DHX40: variants seen among roughly 807,000 people sequenced by gnomAD.
DHX40 encodes the protein DEAH-box helicase 40.
A neutral mutation model predicts 89.6 loss-of-function variants in DHX40; 28 were observed. That is an observed-to-expected ratio of 0.31 (90% CI 0.23 to 0.43). The LOEUF is 0.43. Ranked by LOEUF, DHX40 falls within the 20% of genes least tolerant of loss-of-function variation. The pLI, the probability that DHX40 is intolerant of heterozygous loss-of-function variation, is 1.00. For synonymous variants in DHX40, 226 were observed against 283.6 expected (o/e 0.80, Z 2.04); for missense variants, 457 against 844.0 (o/e 0.54, Z 5.68).
At chr17:59,605,698 C>A in intron 17 of DHX40, 24 bp downstream of exon 17, 1 of 1,588,592 alleles carries the variant, frequency 6.3e-7, no homozygotes, top group East Asian at 2.3e-5. Context: ...TTGTTCTACT[C>A]TTAACCACTA....
chr17:59,605,220 G>A, intron 16 of DHX40, 36 bp downstream of exon 16: 1 of 1,591,656 alleles, frequency 6.3e-7, no homozygotes, highest in Non-Finnish European at 8.6e-7. Context: ...GAAGAAATTT[G>A]TAAAGTTGTA....
intron 14 of DHX40, among the ~76,000 whole-genome samples, chr17:59,601,521 AT>A (rs1180081751): frequency 6.6e-6 from 1 of 151,730 alleles, no homozygotes; most frequent in Non-Finnish European, 1.5e-5. Flanking sequence ...TAGATGTTGG[AT>A]TTCAGTCTTT....
chr17:59,565,887 A>C, intron 1 of DHX40, 104 bp downstream of exon 1: 1 of 991,952 alleles, frequency 1.0e-6, no homozygotes, highest in Non-Finnish European at 1.4e-6. Context: ...AGTAGTGAGG[A>C]AGCCGTGGCG....
At chr17:59,567,090 G>A (rs1244029004) in intron 2 of DHX40, among the ~76,000 whole-genome samples, 1 of 152,108 alleles carries the variant, frequency 6.6e-6, no homozygotes, top group African/African-American at 2.4e-5. Context: ...TTAACCATTG[G>A]ATACTGAAAT....
Position 59,605,462 on chromosome 17 carries a change from C to G in DHX40, c.1988C>G (p.Thr663Ser). 1 of 1,612,364 alleles carries G rather than the reference C, an allele frequency of 6.2e-7. No homozygotes were observed. The highest frequency in any genetic ancestry group is 8.5e-7 in the Non-Finnish European group (1 of 1,178,512). Residue 663 changes from threonine (T) to serine (S), a missense_variant, in exon 17 of 18, where the codon ACC becomes AGC. Transcript: ENST00000251241. Reference protein sequence around the residue: ...HPSSALHEQETKLEWIIFHEV... With the variant: ...HPSSALHEQESKLEWIIFHEV... ...TTTGTATAGCTTCATGAACAGGAAA[C>G]CAAACTTGAATGGATCATTTTTCAT...
chr17:59,586,043 G>C (rs2048990727), intron 10 of DHX40, 110 bp from the exon 11 acceptor site: 1 of 770,434 alleles, frequency 1.3e-6, no homozygotes, highest in Non-Finnish European at 2.1e-6. Context: ...AAAAGAAGAT[G>C]ACTTGAAAAA....
intron 12 of DHX40, among the ~76,000 whole-genome samples, chr17:59,588,662 G>A (rs1204441832): frequency 4.0e-5 from 6 of 151,828 alleles, no homozygotes; most frequent in Non-Finnish European, 8.8e-5. Context: ...AGAGGTCTTT[G>A]CATATTTTAA....
chr17:59,605,973 A>G (rs2030822082), intron 17 of DHX40, among the ~76,000 whole-genome samples: 1 of 152,114 alleles, frequency 6.6e-6, no homozygotes, highest in South Asian at 2.1e-4. Context: ...TCTCTAAAAA[A>G]AAAAAAGTGA....
chr17:59,596,543 G>A (rs1468905243), intron 12 of DHX40, among the ~76,000 whole-genome samples: 1 of 152,106 alleles, frequency 6.6e-6, no homozygotes, highest in Non-Finnish European at 1.5e-5. Context: ...ACTCCAGCCT[G>A]GGCAGCAGAG....
rs749720959 is a variant in DHX40, at chr17:59,573,729, T to G, written c.547-11T>G. On this transcript the variant is annotated splice_polypyrimidine_tract_variant and intron_variant, in intron 4 of 17. Coordinates refer to ENST00000251241, the MANE Select transcript of DHX40 (RefSeq NM_024612.5). ...TACTTGTGACTTACTAGAAATTTACTTTTCTTTCAGGATATCTTATTTGGT... is the reference window on the plus strand; with the variant it reads ...TACTTGTGACTTACTAGAAATTTACGTTTCTTTCAGGATATCTTATTTGGT... 5.6e-6 allele frequency: 9 copies of G among 1,613,706 alleles called. No homozygotes were observed. Among genetic ancestry groups the G allele is most frequent in the Non-Finnish European group, 7.6e-6 (9 of 1,179,818 alleles).
chr17:59,582,625 C>CATA (rs2048958009), intron 10 of DHX40, among the ~76,000 whole-genome samples: 1 of 51,806 alleles, frequency 1.9e-5, no homozygotes, highest in Non-Finnish European at 3.2e-5. Context: ...CACTGTAGGT[C>CATA]ATCTATGAGA....
At chr17:59,606,846 C>G (rs572089706) in intron 17 of DHX40, among the ~76,000 whole-genome samples, 187 bp from the exon 18 acceptor site, 1 of 151,940 alleles carries the variant, frequency 6.6e-6, no homozygotes, top group African/African-American at 2.4e-5. Flanking sequence ...TTTTCTGACT[C>G]ATTGGCCTTG....
chr17:59,568,227 CA>C (rs968618261), intron 2 of DHX40, among the ~76,000 whole-genome samples: 2 of 151,036 alleles, frequency 1.3e-5, no homozygotes, highest in African/African-American at 2.4e-5. Flanking sequence ...GACTCTGTGT[CA>C]AAAAAAATAA....
At chr17:59,594,607 C>G (rs2049125637) in intron 12 of DHX40, among the ~76,000 whole-genome samples, 1 of 148,934 alleles carries the variant, frequency 6.7e-6, no homozygotes, top group Non-Finnish European at 1.5e-5. Flanking sequence ...TGCAAACGTA[C>G]AAACCTGGAA....
At chr17:59,601,371 T>A in intron 14 of DHX40, among the ~76,000 whole-genome samples, 1 of 152,110 alleles carries the variant, frequency 6.6e-6, no homozygotes, top group East Asian at 1.9e-4. Context: ...ACCACTGTTA[T>A]AATTTCTCTG....
At chr17:59,597,867 G>A (rs1209633934) in intron 12 of DHX40, among the ~76,000 whole-genome samples, 1 of 151,058 alleles carries the variant, frequency 6.6e-6, no homozygotes, top group African/African-American at 2.4e-5. Flanking sequence ...CCCGGGAGGC[G>A]GAGCTTGCAG....
chr17:59,581,483 A>G (rs2143264694), intron 10 of DHX40, among the ~76,000 whole-genome samples: 1 of 44,328 alleles, frequency 2.3e-5, no homozygotes, highest in East Asian at 7.4e-4. Context: ...GCATCCAAAT[A>G]TGTATTGTAG....
In DHX40 at chr17:59,591,667, A is replaced by G. The variant is rs970361440; in HGVS notation, c.1582+3614A>G. On this transcript the variant is annotated intron_variant, in intron 12 of 17. Transcript: ENST00000251241. ...TTATACCTTCTATGCAGTTTCCGCA[A>G]TTTTTAACATTTTACCCCCTTTGCT... is the stretch of plus-strand genomic sequence containing the variant. 2.4e-4 allele frequency among the ~76,000 whole-genome samples: 37 copies of G among 151,402 alleles called. 1 individual carries two copies. The highest frequency in any genetic ancestry group is 1.9e-3 in the Admixed American group (29 of 15,204).
At chr17:59,600,393 A>C (rs113946414) in intron 14 of DHX40, among the ~76,000 whole-genome samples, 34 of 152,084 alleles carry the variant, frequency 2.2e-4, no homozygotes, top group African/African-American at 8.2e-4. Context: ...CTTATCATTG[A>C]CATTGAAGAC....
Sources: gnomAD v4.1 joint callset for allele counts (sites outside exome capture counted in the v4.1 genomes callset) on GRCh38, gnomAD v4.1.1 for gene constraint, MANE v1.5 for transcripts, NCBI Gene and HGNC (gene_info 2026-07-23, HGNC 2026-07-21) for gene names.